Variants in LDLRAD4 observed in about 807,000 individuals in gnomAD.
LDLRAD4 encodes the protein low density lipoprotein receptor class A domain containing 4.
In LDLRAD4, 5 loss-of-function variants were observed where a neutral mutation model predicts 17.0. The observed-to-expected ratio is 0.29, with a 90% CI of 0.15 to 0.62. The LOEUF (loss-of-function observed/expected upper bound fraction) is 0.62, where lower values mean the gene tolerates loss of function less well. Among genes scored for constraint, LDLRAD4 ranks in the 20% least tolerant of loss-of-function variants. LDLRAD4 has a pLI of 0.84. For missense variants in LDLRAD4, 340 were observed against 424.7 expected (o/e 0.80, Z 1.75); for synonymous variants, 168 against 171.8 (o/e 0.98, Z 0.17).
At chr18:13,532,850 C>T (rs2094149002) in intron 3 of LDLRAD4, among the ~76,000 whole-genome samples, 1 of 152,194 alleles carries the variant, frequency 6.6e-6, no homozygotes, top group African/African-American at 2.4e-5. Flanking sequence ...GGCCCTGCGC[C>T]TTCCGTCCTC....
chr18:13,425,463 G>C (rs769716657), intron 2 of LDLRAD4, among the ~76,000 whole-genome samples: 8 of 152,164 alleles, frequency 5.3e-5, no homozygotes, highest in Non-Finnish European at 1.2e-4. Flanking sequence ...AGAAAACCTG[G>C]ATTGGCTGTG....
At position 13,435,195 on chromosome 18, in the gene LDLRAD4, C is replaced by T. The variant is rs148069197; in HGVS notation, c.41-3049C>T. Among the ~76,000 whole-genome samples, 723 of 152,362 alleles carry T rather than the reference C, an allele frequency of 4.7e-3. 9 individuals carry two copies. Among genetic ancestry groups the T allele is most frequent in the African/African-American group, 0.016 (680 of 41,584 alleles). On this transcript the variant is annotated intron_variant, in intron 2 of 5. Transcript: ENST00000359446. ...GGAGGTGGAAGCCTGCCTCTGTCAA[C>T]ACCAGTTTTGTTAAGTTGGACAGAT...
chr18:13,413,254 G>A (rs536465184), intron 2 of LDLRAD4, among the ~76,000 whole-genome samples: 1 of 152,334 alleles, frequency 6.6e-6, no homozygotes, highest in East Asian at 1.9e-4. Flanking sequence ...TATCAAGTGG[G>A]GAGGGAAGGA....
chr18:13,650,546 G>T (rs911744015), exon 6 of LDLRAD4: 4 of 395,172 alleles, frequency 1.0e-5, no homozygotes, highest in East Asian at 3.6e-5. Context: ...GAACCAAGCC[G>T]CCCCCTCCTG....
At chr18:13,310,664 A>G (rs1300979946) in intron 1 of LDLRAD4, among the ~76,000 whole-genome samples, 1 of 152,034 alleles carries the variant, frequency 6.6e-6, no homozygotes, top group Non-Finnish European at 1.5e-5. Context: ...CCTTCCCAGG[A>G]ACCTGAGGGT....
intron 2 of LDLRAD4, among the ~76,000 whole-genome samples, chr18:13,427,665 G>A (rs929193150): frequency 6.6e-6 from 1 of 152,216 alleles, no homozygotes; most frequent in Non-Finnish European, 1.5e-5. Flanking sequence ...TGACTGGGTA[G>A]GGACAGATGG....
intron 3 of LDLRAD4, among the ~76,000 whole-genome samples, chr18:13,499,223 C>A (rs532662835): frequency 6.7e-6 from 1 of 150,172 alleles, no homozygotes; most frequent in South Asian, 2.1e-4. Flanking sequence ...CTGGAGAATC[C>A]TTCTCGCCAC....
At chr18:13,483,975 C>G (rs139612867) in intron 3 of LDLRAD4, 2 of 152,572 alleles carry the variant, frequency 1.3e-5, no homozygotes, top group African/African-American at 4.8e-5. Flanking sequence ...TTAGCTTAAC[C>G]CTGGTCTGTC....
chr18:13,271,149 A>G (rs2044512918), intron 1 of LDLRAD4, among the ~76,000 whole-genome samples: 1 of 152,236 alleles, frequency 6.6e-6, no homozygotes, highest in South Asian at 2.1e-4. Context: ...CCATTCAGAA[A>G]TGCTGGGAAA....
At chr18:13,225,290 G>T (rs2041722485) in intron 1 of LDLRAD4, among the ~76,000 whole-genome samples, 1 of 152,336 alleles carries the variant, frequency 6.6e-6, no homozygotes, top group East Asian at 1.9e-4. Flanking sequence ...CATGGGCCTA[G>T]CAGGACAGTC....
At position 13,374,107 on chromosome 18, in the gene LDLRAD4, T is replaced by C. The variant is rs931464459; in HGVS notation, c.-382-13234T>C. Among the ~76,000 whole-genome samples, 25 of 152,388 alleles carry C rather than the reference T, an allele frequency of 1.6e-4. 1 individual carries two copies. The Middle Eastern group carries it at 0.01, about 62-fold the overall frequency. ...GAAATCACACTTGGAGGTGATGTCA[T>C]GTGTCCCTGATAATTACACGTAAAT... On this transcript the variant is annotated intron_variant, in intron 1 of 5. Coordinates refer to ENST00000359446, the Ensembl canonical transcript of LDLRAD4.
intron 2 of LDLRAD4, among the ~76,000 whole-genome samples, chr18:13,416,157 A>G (rs1274673202): frequency 6.6e-6 from 1 of 152,180 alleles, no homozygotes; most frequent in Non-Finnish European, 1.5e-5. Context: ...AGCTATGGCG[A>G]GTCATCATCC....
rs556127326 is a variant in LDLRAD4 at position 13,323,762 on chromosome 18, T to C, written c.-383+45574T>C. The stretch of plus-strand genomic sequence containing the variant: ...TGTTTGGTTAATCTATTCATATTGG[T>C]ATTTTTCCTTGGTGAACATTTGTAA... On this transcript the variant is annotated intron_variant, in intron 1 of 5. Transcript: ENST00000359446. 6.6e-4 allele frequency among the ~76,000 whole-genome samples: 100 copies of C among 152,346 alleles called. 1 individual carries two copies. The highest frequency in any genetic ancestry group is 4.1e-4 in the South Asian group (2 of 4,822).
At chr18:13,566,042 A>G (rs1207468605) in intron 3 of LDLRAD4, among the ~76,000 whole-genome samples, 1 of 152,128 alleles carries the variant, frequency 6.6e-6, no homozygotes, top group Non-Finnish European at 1.5e-5. Context: ...GCATCATCTC[A>G]TAGTGGGGAC....
intron 1 of LDLRAD4, among the ~76,000 whole-genome samples, chr18:13,259,879 G>A (rs1448898349): frequency 2.6e-5 from 4 of 152,244 alleles, no homozygotes; most frequent in Admixed American, 2.6e-4. Context: ...ACCAGCCTTC[G>A]TGTCTCTTGG....
intron 2 of LDLRAD4, among the ~76,000 whole-genome samples, chr18:13,421,359 C>T (rs1029204228): frequency 1.4e-4 from 22 of 152,222 alleles, no homozygotes; most frequent in Non-Finnish European, 2.1e-4. Flanking sequence ...GGCTGCAGCT[C>T]CATCAGGCCA....
chr18:13,569,129 C>T (rs1464149573), intron 3 of LDLRAD4, among the ~76,000 whole-genome samples: 4 of 152,206 alleles, frequency 2.6e-5, no homozygotes, highest in Non-Finnish European at 5.9e-5. Flanking sequence ...TACTGAGATG[C>T]TTGTTTTAGA....
intron 1 of LDLRAD4, among the ~76,000 whole-genome samples, chr18:13,296,298 A>G (rs141687330): frequency 6.0e-4 from 91 of 152,342 alleles, no homozygotes; most frequent in African/African-American, 2.0e-3. Flanking sequence ...AGGCTGAGGT[A>G]TATGAATCTG....
In LDLRAD4 at chr18:13,367,737, C is replaced by G. The variant is rs146971535; in HGVS notation, c.-382-19604C>G. 1.3e-5 allele frequency among the ~76,000 whole-genome samples: 2 copies of G among 149,156 alleles called. No homozygotes were observed. Among genetic ancestry groups the G allele is most frequent in the Non-Finnish European group, 3.0e-5 (2 of 67,354 alleles). ...TATACCGAGAGGAGACAGCCGAGCC[C>G]GGGGGGCATGCACTGTCAAGGTGTT... On this transcript the variant is annotated intron_variant, in intron 1 of 5. Coordinates refer to ENST00000359446, the Ensembl canonical transcript of LDLRAD4. This position sits in a 1 kb window ranked among gnomAD's most constrained non-coding sequence, Gnocchi z 4.1.
Sources: gnomAD v4.1 joint callset for allele counts (sites outside exome capture counted in the v4.1 genomes callset) on GRCh38, gnomAD v4.1.1 for gene constraint, Gnocchi (gnomAD v3.1) non-coding constraint, MANE v1.5 for transcripts, NCBI Gene and HGNC (gene_info 2026-07-23, HGNC 2026-07-21) for gene names.